Variants in CNTNAP2 observed in about 807,000 individuals in gnomAD.
The protein encoded by CNTNAP2 is contactin-associated protein-like 2.
Under a neutral mutation model 155.2 loss-of-function variants are expected in CNTNAP2, and 98 were observed. The observed-to-expected ratio is 0.63, with a 90% CI of 0.54 to 0.75. The LOEUF (loss-of-function observed/expected upper bound fraction) is 0.75. CNTNAP2 is among the 30% of genes least tolerant of loss of function. The pLI is 0.00. For missense variants in CNTNAP2, 1,727 were observed against 1,688.1 expected (o/e 1.02, Z -0.40); for synonymous variants, 651 against 631.2 (o/e 1.03, Z -0.47).
chr7:146,398,908 A>G (rs1416645562), intron 1 of CNTNAP2, among the ~76,000 whole-genome samples: 7 of 152,038 alleles, frequency 4.6e-5, no homozygotes, highest in Non-Finnish European at 2.9e-5. Flanking sequence ...AATAAAAAAT[A>G]TATGGATTTT....
At chr7:146,507,847 C>T (rs1257256887) in intron 1 of CNTNAP2, among the ~76,000 whole-genome samples, 3 of 152,124 alleles carry the variant, frequency 2.0e-5, no homozygotes, top group Non-Finnish European at 2.9e-5. Flanking sequence ...ATGCACACAG[C>T]CCTGCAGCAA....
intron 16 of CNTNAP2, among the ~76,000 whole-genome samples, chr7:148,133,394 G>A (rs1311806621): frequency 1.3e-5 from 2 of 152,112 alleles, no homozygotes; most frequent in East Asian, 1.9e-4. Flanking sequence ...CCTGGGAGGT[G>A]GAGGTTGCAG....
intron 1 of CNTNAP2, among the ~76,000 whole-genome samples, chr7:146,569,500 A>T (rs1798409328): frequency 1.3e-5 from 2 of 152,206 alleles, no homozygotes; most frequent in African/African-American, 4.8e-5. Context: ...ATTCTCATAA[A>T]AATTTGAGTG....
chr7:147,264,468 G>T (rs1267527028), intron 8 of CNTNAP2, among the ~76,000 whole-genome samples: 1 of 151,834 alleles, frequency 6.6e-6, no homozygotes, highest in Admixed American at 6.5e-5. Context: ...CAGGAAGTGA[G>T]GGGTTGTGAA....
At chr7:148,293,799 T>C (rs1447337162) in intron 21 of CNTNAP2, among the ~76,000 whole-genome samples, 9 of 151,318 alleles carry the variant, frequency 5.9e-5, no homozygotes, top group Non-Finnish European at 5.9e-5. Context: ...CTTTGGGAGG[T>C]CGAGGCAGGC....
At chr7:146,786,820 T>C (rs984916462) in intron 2 of CNTNAP2, 1 of 152,218 alleles carries the variant, frequency 6.6e-6, no homozygotes, top group Admixed American at 6.5e-5. Context: ...TCTCAGCAAC[T>C]TTTGCAATGT....
At chr7:147,848,268 C>G (rs1584987790) in intron 13 of CNTNAP2, among the ~76,000 whole-genome samples, 1 of 148,402 alleles carries the variant, frequency 6.7e-6, no homozygotes, top group East Asian at 2.0e-4. Flanking sequence ...GCGTAGGACC[C>G]TCTGAGCCAG....
rs1029113759 is a variant in CNTNAP2, at chr7:146,151,882, A to T, written c.97+34909A>T. 1.6e-4 allele frequency among the ~76,000 whole-genome samples: 24 copies of T among 151,110 alleles called. No individual in the cohort carries two copies. The East Asian group carries it at 3.0e-3, about 19-fold the overall frequency. On this transcript the variant is annotated intron_variant, in intron 1 of 23. Transcript: ENST00000361727. ...CAAAAGATAATAAGTCTTGGCAAGG[A>T]TGTGGCAAAAAGGAAACTCTCAAAC...
chr7:148,410,270 T>TAA (rs11427367), intron 23 of CNTNAP2, among the ~76,000 whole-genome samples: 91 of 151,166 alleles, frequency 6.0e-4, no homozygotes, highest in African/African-American at 2.0e-3. Flanking sequence ...TAGCGTACTA[T>TAA]AAAAAAATGA....
intron 11 of CNTNAP2, among the ~76,000 whole-genome samples, chr7:147,526,140 CGA>C (rs1799314168): frequency 6.8e-6 from 1 of 147,792 alleles, no homozygotes; most frequent in Non-Finnish European, 1.5e-5. Context: ...TGAAGTGAGC[CGA>C]GATCACCCCA....
chr7:146,346,740 A>T (rs1391040604), intron 1 of CNTNAP2, among the ~76,000 whole-genome samples: 1 of 151,932 alleles, frequency 6.6e-6, no homozygotes, highest in Non-Finnish European at 1.5e-5. Flanking sequence ...GACAGAGAGA[A>T]TCTAACTAAT....
chr7:148,125,443 G>A (rs758514021), intron 16 of CNTNAP2, among the ~76,000 whole-genome samples: 39 of 151,996 alleles, frequency 2.6e-4, no homozygotes, highest in South Asian at 4.1e-4. Context: ...GTATCCATGC[G>A]TACTCAATGT....
chr7:146,865,598 A>G (rs892266312), intron 3 of CNTNAP2, among the ~76,000 whole-genome samples: 1 of 152,150 alleles, frequency 6.6e-6, no homozygotes, highest in Non-Finnish European at 1.5e-5. Flanking sequence ...ATCCATATGG[A>G]GAAAATGAAC....
chr7:148,382,514 AAAG>A (rs1799088526), intron 21 of CNTNAP2, among the ~76,000 whole-genome samples: 2 of 152,202 alleles, frequency 1.3e-5, no homozygotes, highest in South Asian at 4.1e-4. Context: ...CCCAGCTCTA[AAAG>A]AGGAGACAAA....
At chr7:146,880,238 A>G (rs1031322646) in intron 3 of CNTNAP2, among the ~76,000 whole-genome samples, 10 of 152,092 alleles carry the variant, frequency 6.6e-5, no homozygotes, top group Non-Finnish European at 1.5e-4. Context: ...ACAGGAGCCT[A>G]TGGTGATTAG....
chr7:147,080,023 G>C (rs1352346231), intron 4 of CNTNAP2, among the ~76,000 whole-genome samples: 1 of 129,804 alleles, frequency 7.7e-6, no homozygotes, highest in Non-Finnish European at 1.6e-5. Flanking sequence ...TTTTTGCATA[G>C]CCATATGCTC....
At position 147,061,333 on chromosome 7, in the gene CNTNAP2, A is replaced by G. The variant is rs1209061911; in HGVS notation, c.550+17279A>G. The stretch of plus-strand genomic sequence containing the variant: ...GTCAAAATTGTGAAAAATACAAAAC[A>G]TATATAATTTGCTTTAAATATCATT... On this transcript the variant is annotated intron_variant, in intron 4 of 23. Transcript: ENST00000361727. Among the ~76,000 whole-genome samples the G allele has an allele frequency of 1.3e-5, 2 of 152,226 alleles. 1 individual carries two copies. The highest frequency in any genetic ancestry group is 4.1e-4 in the South Asian group (2 of 4,834).
intron 4 of CNTNAP2, among the ~76,000 whole-genome samples, chr7:147,054,115 C>T (rs960673987): frequency 2.6e-5 from 4 of 152,118 alleles, no homozygotes; most frequent in Non-Finnish European, 5.9e-5. Context: ...TTCTTCTTCA[C>T]CCGTAAGGGC....
intron 1 of CNTNAP2, among the ~76,000 whole-genome samples, chr7:146,307,334 G>C (rs148046803): frequency 6.6e-6 from 1 of 151,958 alleles, no homozygotes; most frequent in Non-Finnish European, 1.5e-5. Context: ...AAAAGAGGAC[G>C]CAAACAAATG....
Sources: allele counts gnomAD v4.1 joint callset (sites outside exome capture counted in the v4.1 genomes callset), GRCh38; gene constraint gnomAD v4.1.1; transcripts MANE v1.5; gene names NCBI Gene and HGNC (gene_info 2026-07-23, HGNC 2026-07-21).